ZFP82: variants seen among roughly 807,000 people sequenced by gnomAD.
The protein encoded by ZFP82 is zinc finger protein 82 homolog.
A neutral mutation model predicts 54.0 loss-of-function variants in ZFP82; 30 were observed. The observed-to-expected ratio is 0.56, with a 90% CI of 0.42 to 0.75. The LOEUF is 0.75. Among genes scored for constraint, ZFP82 ranks in the 30% least tolerant of loss-of-function variants. The probability of loss-of-function intolerance (pLI) is 0.00; values close to 1 mark genes in which losing one functional copy is unlikely to be tolerated. For synonymous variants in ZFP82, 194 were observed against 209.5 expected, an observed-to-expected ratio of 0.93 and a Z score of 0.64; for missense variants, 500 against 636.8, an observed-to-expected ratio of 0.79 and a Z score of 2.31.
rs138086844 is a variant in ZFP82 at position 36,397,942 on chromosome 19, T to G, written c.230-3832A>C. On this transcript the variant is annotated intron_variant, in intron 4 of 4. Transcript: ENST00000392161. Reference sequence around the variant, plus strand: ...TTATCAAAACTGATCATGGAAGAGATAGATGTTAATAAAATGTTTATATAG... The same window carrying G: ...TTATCAAAACTGATCATGGAAGAGAGAGATGTTAATAAAATGTTTATATAG... Among the ~76,000 whole-genome samples, 28 of 152,296 alleles carry G rather than the reference T, an allele frequency of 1.8e-4. No individual in the cohort carries two copies. The East Asian group carries it at 3.9e-3, about 21-fold the overall frequency.
chr19:36,405,739 G>C, intron 3 of ZFP82, 67 bp from the exon 4 acceptor site: 2 of 1,206,946 alleles, frequency 1.7e-6, no homozygotes, highest in Non-Finnish European at 2.3e-6. Flanking sequence ...CTTTGATTCA[G>C]TCTTGGTTAA....
intron 4 of ZFP82, chr19:36,395,741 GT>G (rs1446604179): frequency 6.6e-6 from 1 of 151,964 alleles, no homozygotes; most frequent in African/African-American, 2.4e-5. Flanking sequence ...AAAAAAAAAG[GT>G]TGAAATTATA....
At chr19:36,398,769 T>G (rs1393804792) in intron 4 of ZFP82, among the ~76,000 whole-genome samples, 1 of 152,144 alleles carries the variant, frequency 6.6e-6, no homozygotes, top group Non-Finnish European at 1.5e-5. Context: ...CACTGCCGCC[T>G]CTAACTCGTG....
chr19:36,402,902 G>C (rs998880357), intron 4 of ZFP82, among the ~76,000 whole-genome samples: 1 of 151,826 alleles, frequency 6.6e-6, no homozygotes, highest in Non-Finnish European at 1.5e-5. Context: ...ACTTTGGGAG[G>C]CTGAGGCGGG....
intron 1 of ZFP82, among the ~76,000 whole-genome samples, chr19:36,416,048 C>T (rs1021891408): frequency 1.3e-5 from 2 of 152,162 alleles, no homozygotes; most frequent in Admixed American, 6.6e-5. Flanking sequence ...TTTTATAAAT[C>T]TCTAGCTTAT....
chr19:36,410,262 T>A (rs2032554970), intron 1 of ZFP82, among the ~76,000 whole-genome samples: 1 of 152,136 alleles, frequency 6.6e-6, no homozygotes, highest in African/African-American at 2.4e-5. Context: ...CTCATCACTC[T>A]CTCTTTCCAG....
At chr19:36,398,940 T>C (rs938363845) in intron 4 of ZFP82, among the ~76,000 whole-genome samples, 2 of 152,096 alleles carry the variant, frequency 1.3e-5, no homozygotes, top group African/African-American at 2.4e-5. Context: ...TTAGAGTTAT[T>C]AGTCAACATA....
At chr19:36,409,620 G>T (rs1248870149) in intron 2 of ZFP82, among the ~76,000 whole-genome samples, 161 bp downstream of exon 2, 2 of 152,168 alleles carry the variant, frequency 1.3e-5, no homozygotes, top group African/African-American at 4.8e-5. Context: ...CTAGAATAAA[G>T]AGTGTTCATA....
rs1380167903 is a variant in ZFP82, at chr19:36,405,633, T to A, written c.176A>T (p.Glu59Val). 6.2e-7 allele frequency: 1 copy of A among 1,610,876 alleles called. No homozygotes were observed. Among genetic ancestry groups the A allele is most frequent in the Non-Finnish European group, 8.5e-7 (1 of 1,177,772 alleles). Residue 59 changes from glutamate to valine, a missense_variant, in exon 4 of 5, where the codon GAG becomes GTG. Glu to Val is a moderately radical substitution (Grantham distance 121, BLOSUM62 -2). Coordinates refer to ENST00000392161, the MANE Select transcript of ZFP82 (RefSeq NM_133466.4). ...ISKPDVISSL[E>V]QGKEPWKVVR... ...AACTTTCCAAGGCTCTTTTCCTTGC[T>A]CCAATGAGGAAATCACATCTGGTTT... is the stretch of plus-strand genomic sequence containing the variant.
intron 1 of ZFP82, among the ~76,000 whole-genome samples, chr19:36,413,330 G>T (rs1020249023): frequency 6.6e-6 from 1 of 152,126 alleles, no homozygotes; most frequent in African/African-American, 2.4e-5. Context: ...AGAATCACTT[G>T]AATCTGGGAG....
chr19:36,391,590 G>A lies in ZFP82; in HGVS notation c.*1151C>T, dbSNP rs940585451. Reference sequence around the variant, plus strand: ...CAAATGATCCTCCCACCTCAGCCTCGAGTAGCTAGGACTACAGGCATGCAC... The same window carrying A: ...CAAATGATCCTCCCACCTCAGCCTCAAGTAGCTAGGACTACAGGCATGCAC... On this transcript the variant is annotated 3_prime_UTR_variant, in exon 5 of 5. Coordinates refer to ENST00000392161, the MANE Select transcript of ZFP82 (RefSeq NM_133466.4). The A allele has an allele frequency of 6.6e-6, 1 of 151,576 alleles. No homozygotes were observed. The highest frequency in any genetic ancestry group is 1.5e-5 in the Non-Finnish European group (1 of 68,010). The allele number at this position is 151,576 out of a possible 1,614,324, so 9.4% of individuals were successfully genotyped here. A position where few individuals can be genotyped will look rare whatever the true frequency, so the allele number is the denominator to read the frequency against.
chr19:36,386,711 T>TG (rs1445826493), downstream of ZFP82, among the ~76,000 whole-genome samples: 1 of 152,140 alleles, frequency 6.6e-6, no homozygotes, highest in Non-Finnish European at 1.5e-5. Context: ...CCGAGGCAGG[T>TG]GGATCACCTG....
At chr19:36,407,759 A>C (rs763975486) in intron 3 of ZFP82, 128 bp downstream of exon 3, 21 of 973,080 alleles carry the variant, frequency 2.2e-5, no homozygotes, top group Non-Finnish European at 3.0e-5. Flanking sequence ...AATAAAGCTC[A>C]AAGTGTTCCC....
intron 4 of ZFP82, among the ~76,000 whole-genome samples, chr19:36,397,271 T>G (rs2032312361): frequency 6.6e-6 from 1 of 151,830 alleles, no homozygotes; most frequent in Admixed American, 6.6e-5. Context: ...TTTTTGTATT[T>G]TTACTAGAGA....
intron 3 of ZFP82, 74 bp downstream of exon 3, chr19:36,407,813 C>T (rs1445169702): frequency 4.0e-6 from 6 of 1,509,286 alleles, no homozygotes; most frequent in Non-Finnish European, 5.4e-6. Flanking sequence ...CTAAAAGATA[C>T]TCTTGAAATT....
At position 36,418,246 on chromosome 19, in the gene ZFP82, T is replaced by C. The variant is rs116383869; in HGVS notation, c.-79+246A>G. Among the ~76,000 whole-genome samples the C allele has an allele frequency of 4.9e-3, 740 of 151,960 alleles. 5 individuals are homozygous for C. The highest frequency in any genetic ancestry group is 0.02 in the Middle Eastern group (6 of 294). On this transcript the variant is annotated intron_variant, in intron 1 of 4. Transcript: ENST00000392161. The stretch of plus-strand genomic sequence containing the variant: ...TCTGCGCGTTTCTGCTGGGAGTCTT[T>C]GGCGTGCAGAAACTGACCGAGGGCC...
chr19:36,395,691 T>C (rs1306161087), intron 4 of ZFP82: 1 of 151,688 alleles, frequency 6.6e-6, no homozygotes, highest in Non-Finnish European at 1.5e-5. Flanking sequence ...GTGGTCTCTA[T>C]TAAAAAGCTG....
In ZFP82 at chr19:36,392,551, A is replaced by C; in HGVS notation, c.*190T>G. 1.9e-6 allele frequency: 1 copy of C among 537,606 alleles called. No homozygotes were observed. Among genetic ancestry groups the C allele is most frequent in the Non-Finnish European group, 3.2e-6 (1 of 315,272 alleles). The allele number at this position is 537,606 out of a possible 1,614,324, so 33.3% of individuals were successfully genotyped here. A position where few individuals can be genotyped will look rare whatever the true frequency, so the allele number is the denominator to read the frequency against. On this transcript the variant is annotated 3_prime_UTR_variant, in exon 5 of 5. Coordinates refer to ENST00000392161, the MANE Select transcript of ZFP82 (RefSeq NM_133466.4). ...GACGGTAAATGTCTTTTTCATTCTTATAACAGGATTAGTTTTTAGAACAAA... is the reference window on the plus strand; with the variant it reads ...GACGGTAAATGTCTTTTTCATTCTTCTAACAGGATTAGTTTTTAGAACAAA...
chr19:36,408,268 A>G lies in ZFP82; in HGVS notation c.10-255T>C, dbSNP rs117831086. Among the ~76,000 whole-genome samples, 1,506 of 152,240 alleles carry G rather than the reference A, an allele frequency of 9.9e-3. 11 individuals carry two copies. The highest frequency in any genetic ancestry group is 0.013 in the Admixed American group (204 of 15,290). On this transcript the variant is annotated intron_variant, in intron 2 of 4. Coordinates refer to ENST00000392161, the MANE Select transcript of ZFP82 (RefSeq NM_133466.4). ...TCTTAATAATCTAGATACTCCTGGG[A>G]AAGAAAAAAAAATCAGTTTTCCAAT... is the stretch of plus-strand genomic sequence containing the variant.
Sources: gnomAD v4.1 joint callset for allele counts (sites outside exome capture counted in the v4.1 genomes callset) on GRCh38, gnomAD v4.1.1 for gene constraint, MANE v1.5 for transcripts, NCBI Gene and HGNC (gene_info 2026-07-23, HGNC 2026-07-21) for gene names.